The following TAFA5 variants were observed in gnomAD, a reference collection of about 807,000 sequenced individuals.
The protein encoded by TAFA5 is chemokine-like protein TAFA-5.
TAFA5 carries 6 observed loss-of-function variants against 15.3 expected under a neutral mutation model. The ratio of observed to expected loss-of-function variants is 0.39; its 90% CI spans 0.21 to 0.77. TAFA5 has a LOEUF of 0.77. Ranked by LOEUF, TAFA5 falls within the 30% of genes least tolerant of loss-of-function variation. TAFA5 has a pLI of 0.41. For missense variants in TAFA5, 161 were observed against 193.1 expected, an observed-to-expected ratio of 0.83 and a Z score of 0.98; for synonymous variants, 103 against 80.7, an observed-to-expected ratio of 1.28 and a Z score of -1.48.
chr22:48,680,324 A>G (rs1257914143), intron 2 of TAFA5, among the ~76,000 whole-genome samples: 2 of 152,232 alleles, frequency 1.3e-5, no homozygotes, highest in Non-Finnish European at 2.9e-5. Context: ...GGTTCTCAGA[A>G]CAAAAGATGG....
chr22:48,513,388 C>T (rs1744291279), intron 1 of TAFA5, among the ~76,000 whole-genome samples: 1 of 152,232 alleles, frequency 6.6e-6, no homozygotes, highest in African/African-American at 2.4e-5. Context: ...AGGGAGGGCT[C>T]ATCGCATGTG....
At chr22:48,698,509 G>T (rs879756500) in intron 2 of TAFA5, among the ~76,000 whole-genome samples, 1 of 151,550 alleles carries the variant, frequency 6.6e-6, no homozygotes, top group Non-Finnish European at 1.5e-5. Flanking sequence ...GAGCTGAGCT[G>T]GGAGAGAGGA....
intron 1 of TAFA5, among the ~76,000 whole-genome samples, chr22:48,491,633 G>A (rs1928158163): frequency 6.6e-6 from 1 of 152,258 alleles, no homozygotes; most frequent in Admixed American, 6.5e-5. Context: ...GGTACACACT[G>A]TCTCAAGACA....
chr22:48,500,749 T>G (rs1035356407), intron 1 of TAFA5, among the ~76,000 whole-genome samples: 7 of 152,196 alleles, frequency 4.6e-5, no homozygotes, highest in African/African-American at 1.7e-4. Context: ...TCGCACTGTG[T>G]CCCAGAACCC....
chr22:48,519,744 G>T (rs1921538873), intron 1 of TAFA5, among the ~76,000 whole-genome samples: 1 of 152,122 alleles, frequency 6.6e-6, no homozygotes, highest in Non-Finnish European at 1.5e-5. Flanking sequence ...TGAGCCCTTG[G>T]GAGTCTCTCT....
At chr22:48,640,555 A>AGGGCTGGGCT (rs201248109) in intron 1 of TAFA5, among the ~76,000 whole-genome samples, 1 of 151,850 alleles carries the variant, frequency 6.6e-6, no homozygotes, top group African/African-American at 2.4e-5. Flanking sequence ...AGGGCAGGGC[A>AGGGCTGGGCT]GGGCTGGGCT....
intron 1 of TAFA5, among the ~76,000 whole-genome samples, chr22:48,548,024 G>A (rs577596552): frequency 1.6e-3 from 238 of 151,148 alleles, no homozygotes; most frequent in African/African-American, 4.5e-3. Context: ...TCCTGCCTGC[G>A]TCTTCGGAGG....
intron 1 of TAFA5, among the ~76,000 whole-genome samples, chr22:48,600,649 C>A (rs1362150049): frequency 3.3e-5 from 5 of 152,168 alleles, no homozygotes; most frequent in African/African-American, 1.2e-4. Flanking sequence ...TTACATTCAC[C>A]CAACTATGAT....
rs1569169260 is a variant in TAFA5 at position 48,530,497 on chromosome 22, C to A, written c.112+40793C>A. Among the ~76,000 whole-genome samples, 1 of 152,180 alleles carries A rather than the reference C, an allele frequency of 6.6e-6. No individual in the cohort carries two copies. Among genetic ancestry groups the A allele is most frequent in the Non-Finnish European group, 1.5e-5 (1 of 68,034 alleles). Reference sequence around the variant, plus strand: ...GGGACCTTGGGATGGTTCAGGGGAACCTGCTGCAGGTTTACAGAGAGAGAA... The same window carrying A: ...GGGACCTTGGGATGGTTCAGGGGAAACTGCTGCAGGTTTACAGAGAGAGAA... On this transcript the variant is annotated intron_variant, in intron 1 of 3. Coordinates refer to ENST00000402357, the MANE Select transcript of TAFA5 (RefSeq NM_001082967.3). The surrounding 1 kb of genome is among the most constrained non-coding windows in gnomAD (Gnocchi z 6.0).
At position 48,489,994 on chromosome 22, in the gene TAFA5, T is replaced by C. The variant is rs1275119526; in HGVS notation, c.112+290T>C. On this transcript the variant is annotated intron_variant, in intron 1 of 3. Transcript: ENST00000402357. The surrounding 1 kb of genome is among the most constrained non-coding windows in gnomAD (Gnocchi z 5.5). ...GGCCCCGGGTGGCGCGGCCCGTCCC[T>C]GCCCGGCGGTCGGAGCCCAGCCAGC... 6.6e-6 allele frequency among the ~76,000 whole-genome samples: 1 copy of C among 151,760 alleles called. No homozygotes were observed. Among genetic ancestry groups the C allele is most frequent in the African/African-American group, 2.4e-5 (1 of 41,366 alleles).
intron 2 of TAFA5, among the ~76,000 whole-genome samples, chr22:48,700,802 C>T (rs1185040596): frequency 2.0e-5 from 3 of 152,142 alleles, no homozygotes; most frequent in African/African-American, 4.8e-5. Context: ...TTCAGATGTT[C>T]GATCCTGTTA....
chr22:48,583,128 G>A (rs1280918855), intron 1 of TAFA5, among the ~76,000 whole-genome samples: 84 of 58,188 alleles, frequency 1.4e-3, no homozygotes, highest in African/African-American at 3.3e-3. Context: ...CACATCACAC[G>A]CCACACACAC....
chr22:48,658,964 AG>A (rs1300330685), intron 2 of TAFA5, among the ~76,000 whole-genome samples: 1 of 152,206 alleles, frequency 6.6e-6, no homozygotes, highest in East Asian at 1.9e-4. Context: ...GTGTAAGAGG[AG>A]GTGACGCCTT....
chr22:48,727,039 T>C (rs1569096158), intron 3 of TAFA5, among the ~76,000 whole-genome samples: 1 of 152,164 alleles, frequency 6.6e-6, no homozygotes, highest in Non-Finnish European at 1.5e-5. Flanking sequence ...GGTACATTTA[T>C]CATACCACCT....
intron 2 of TAFA5, among the ~76,000 whole-genome samples, chr22:48,673,849 C>T (rs560090927): frequency 6.6e-6 from 1 of 152,164 alleles, no homozygotes; most frequent in African/African-American, 2.4e-5. Flanking sequence ...AGGTTCTTTA[C>T]AGGCCCTTCC....
rs1054347999 is a variant in TAFA5 at position 48,735,052 on chromosome 22, G to A, written c.391-14787G>A. Among the ~76,000 whole-genome samples, 4 of 152,338 alleles carry A rather than the reference G, an allele frequency of 2.6e-5. No individual in the cohort carries two copies. In the East Asian group the frequency reaches 7.7e-4, roughly 29 times the overall value. ...GATGACAGCAAACGCCTGACCCTGTGCACCTAGGCACTCAGGTAGATTAAC... is the reference window on the plus strand; with the variant it reads ...GATGACAGCAAACGCCTGACCCTGTACACCTAGGCACTCAGGTAGATTAAC... On this transcript the variant is annotated intron_variant, in intron 3 of 3. Coordinates refer to ENST00000402357, the MANE Select transcript of TAFA5 (RefSeq NM_001082967.3).
intron 1 of TAFA5, among the ~76,000 whole-genome samples, chr22:48,564,689 T>A (rs1027494357): frequency 6.6e-6 from 1 of 152,176 alleles, no homozygotes. Flanking sequence ...AGCCTCCTTC[T>A]CAGTTGGACA....
chr22:48,603,384 G>A (rs1174303454), intron 1 of TAFA5, among the ~76,000 whole-genome samples: 1 of 152,256 alleles, frequency 6.6e-6, no homozygotes, highest in African/African-American at 2.4e-5. Context: ...GCACCACCAC[G>A]CTGGGCAGCA....
chr22:48,582,310 C>T (rs566197101), intron 1 of TAFA5, among the ~76,000 whole-genome samples: 7 of 152,064 alleles, frequency 4.6e-5, no homozygotes, highest in East Asian at 1.9e-4. Flanking sequence ...ACACCCCACA[C>T]GCAAAATACA....
Sources: gnomAD v4.1 joint callset for allele counts (sites outside exome capture counted in the v4.1 genomes callset) on GRCh38, gnomAD v4.1.1 for gene constraint, Gnocchi (gnomAD v3.1) non-coding constraint, MANE v1.5 for transcripts, NCBI Gene and HGNC (gene_info 2026-07-23, HGNC 2026-07-21) for gene names.